Variants in GCNT4 observed in about 807,000 individuals in gnomAD.
The protein encoded by GCNT4 is glucosaminyl (N-acetyl) transferase 4.
Under a neutral mutation model 31.3 loss-of-function variants are expected in GCNT4, and 17 were observed. The ratio of observed to expected loss-of-function variants is 0.54; its 90% CI spans 0.37 to 0.81. The LOEUF (loss-of-function observed/expected upper bound fraction) is 0.81, where lower values mean the gene tolerates loss of function less well. Ranked by LOEUF, GCNT4 falls within the 40% of genes least tolerant of loss-of-function variation. The pLI, the probability that GCNT4 is intolerant of heterozygous loss-of-function variation, is 0.00. For missense variants in GCNT4, 503 were observed against 525.5 expected (o/e 0.96, Z 0.42); for synonymous variants, 158 against 190.6 (o/e 0.83, Z 1.41).
intron 3 of GCNT4, among the ~76,000 whole-genome samples, chr5:75,040,137 C>T (rs867906788): frequency 1.4e-4 from 22 of 151,966 alleles, no homozygotes; most frequent in African/African-American, 4.8e-4. Context: ...GCATGACCAG[C>T]TGCTCCAGGA....
chr5:75,020,004 T>C, the GCNT4 span, among the ~76,000 whole-genome samples: 31 of 152,226 alleles, frequency 2.0e-4, no homozygotes, highest in African/African-American at 7.5e-4. Flanking sequence ...CTTAATTTTG[T>C]TAGGTGTGAT....
chr5:75,018,014 C>T, the GCNT4 span, among the ~76,000 whole-genome samples: 1 of 152,146 alleles, frequency 6.6e-6, no homozygotes, highest in Non-Finnish European at 1.5e-5. Flanking sequence ...TGCAGCAACT[C>T]AGGCCCAATC....
intron 3 of GCNT4, among the ~76,000 whole-genome samples, chr5:75,044,652 T>A (rs992693604): frequency 2.6e-5 from 4 of 152,014 alleles, no homozygotes; most frequent in African/African-American, 9.7e-5. Flanking sequence ...AAACAAGGAC[T>A]GGGCTTCAGC....
At chr5:75,034,570 A>C (rs1303496678) in intron 3 of GCNT4, among the ~76,000 whole-genome samples, 1 of 152,210 alleles carries the variant, frequency 6.6e-6, no homozygotes. Flanking sequence ...AAGTGGTCTT[A>C]CAATTACATT....
rs763245882 is a variant in GCNT4, at chr5:75,029,266, G to C, written c.772C>G (p.Pro258Ala). 4 of 1,614,012 alleles carry C rather than the reference G, an allele frequency of 2.5e-6. No individual in the cohort carries two copies. The highest frequency in any genetic ancestry group is 2.5e-6 in the Non-Finnish European group (3 of 1,180,000). Residue 258 changes from proline to alanine, a missense_variant, in exon 4 of 4, where the codon CCA (proline) becomes GCA (alanine). Pro to Ala is a conservative substitution (Grantham distance 27, BLOSUM62 -1). Coordinates refer to ENST00000652361, the MANE Select transcript of GCNT4 (RefSeq NM_001366737.1). The part of the protein sequence containing the change: ...GANMLETVKP[P>A]NSKLERFTYH... Reference sequence around the variant, plus strand: ...GTGAATCTTTCCAATTTACTGTTTGGGGGTTTCACCGTCTCCAACATATTT... The same window carrying C: ...GTGAATCTTTCCAATTTACTGTTTGCGGGTTTCACCGTCTCCAACATATTT...
chr5:75,045,584 T>G (rs780656033), intron 3 of GCNT4, among the ~76,000 whole-genome samples: 13 of 152,252 alleles, frequency 8.5e-5, no homozygotes, highest in Non-Finnish European at 1.6e-4. Flanking sequence ...ATAATTCTGC[T>G]ATGAACAAGG....
rs924399633 is a variant in GCNT4, at chr5:75,025,529, A to C, written c.*3147T>G. ...CGATATAAATGTATAAAAAGCCCCC[A>C]AAACTCTCATTTCATCATCAGTGCA... On this transcript the variant is annotated 3_prime_UTR_variant, in exon 4 of 4. Coordinates refer to ENST00000652361, the MANE Select transcript of GCNT4 (RefSeq NM_001366737.1). 2.0e-5 allele frequency: 3 copies of C among 152,226 alleles called. No individual in the cohort carries two copies. Among genetic ancestry groups the C allele is most frequent in the Admixed American group, 6.5e-5 (1 of 15,282 alleles). 9.4% of individuals were successfully genotyped at this position (152,226 alleles called of 1,614,324 possible).
At chr5:75,053,713 A>C (rs1298017768), upstream of GCNT4, among the ~76,000 whole-genome samples, 1 of 151,580 alleles carries the variant, frequency 6.6e-6, no homozygotes, top group East Asian at 2.0e-4. Context: ...TGACGTGCGG[A>C]GAAAGTAGGA....
chr5:75,044,103 G>A (rs979537415), intron 3 of GCNT4, among the ~76,000 whole-genome samples: 1 of 152,098 alleles, frequency 6.6e-6, no homozygotes, highest in African/African-American at 2.4e-5. Context: ...TCACAGGCAG[G>A]GTACAGGTCA....
upstream of GCNT4, among the ~76,000 whole-genome samples, chr5:75,053,966 T>TC (rs1288971225): frequency 6.6e-6 from 1 of 152,008 alleles, no homozygotes; most frequent in Non-Finnish European, 1.5e-5. Context: ...GCTCCTTTTT[T>TC]CTCCTTGAAC....
upstream of GCNT4, among the ~76,000 whole-genome samples, chr5:75,053,633 G>C (rs1743641108): frequency 6.6e-6 from 1 of 151,872 alleles, no homozygotes; most frequent in Non-Finnish European, 1.5e-5. Flanking sequence ...CTCTCGCCGC[G>C]CTCCTCCGTC....
At chr5:75,040,114 T>G (rs1743286403) in intron 3 of GCNT4, among the ~76,000 whole-genome samples, 1 of 152,116 alleles carries the variant, frequency 6.6e-6, no homozygotes, top group African/African-American at 2.4e-5. Context: ...TAGACTACTT[T>G]TCCTGGATCC....
chr5:75,043,746 C>T (rs777326857), intron 3 of GCNT4, among the ~76,000 whole-genome samples: 26 of 152,172 alleles, frequency 1.7e-4, no homozygotes, highest in Admixed American at 5.2e-4. Flanking sequence ...GTTTAAGCAA[C>T]GTGCACTTTG....
intron 3 of GCNT4, among the ~76,000 whole-genome samples, chr5:75,044,009 G>C (rs1022927524): frequency 6.6e-6 from 1 of 152,136 alleles, no homozygotes; most frequent in African/African-American, 2.4e-5. Flanking sequence ...CTCTGATGTT[G>C]GCAAGAACTG....
rs1419180244 is a variant in GCNT4 at position 75,025,573 on chromosome 5, T to C, written c.*3103A>G. 2 of 152,218 alleles carry C rather than the reference T, an allele frequency of 1.3e-5. No homozygotes were observed. Among genetic ancestry groups the C allele is most frequent in the Non-Finnish European group, 2.9e-5 (2 of 68,032 alleles). The allele number at this position is 152,218 out of a possible 1,614,324, so 9.4% of individuals were successfully genotyped here. A position where few individuals can be genotyped will look rare whatever the true frequency, so the allele number is the denominator to read the frequency against. The stretch of plus-strand genomic sequence containing the variant: ...CAGTGCAAACAAAAATCATTTATAA[T>C]AACATACATATGAATACATTCACTT... On this transcript the variant is annotated 3_prime_UTR_variant, in exon 4 of 4. Transcript: ENST00000652361.
chr5:75,037,908 A>C (rs1266830080), intron 3 of GCNT4, among the ~76,000 whole-genome samples: 2 of 151,290 alleles, frequency 1.3e-5, no homozygotes, highest in African/African-American at 4.9e-5. Context: ...AACAAAAAAA[A>C]CAAAAAACAG....
In GCNT4 at chr5:75,048,011, C is replaced by A. The variant is rs545753506; in HGVS notation, c.-116G>T. Reference sequence around the variant, plus strand: ...CAGATGGCTGTACTGGGACAGTGACCGAGGATGTAGTTCTAGAACATGGGC... The same window carrying A: ...CAGATGGCTGTACTGGGACAGTGACAGAGGATGTAGTTCTAGAACATGGGC... On this transcript the variant is annotated 5_prime_UTR_variant, in exon 3 of 4. Transcript: ENST00000652361. 1.3e-5 allele frequency: 2 copies of A among 152,186 alleles called. No individual in the cohort carries two copies. The highest frequency in any genetic ancestry group is 2.9e-5 in the Non-Finnish European group (2 of 68,028). 9.4% of individuals were successfully genotyped at this position (152,186 alleles called of 1,614,324 possible). A position where few individuals can be genotyped will look rare whatever the true frequency, so the allele number is the denominator to read the frequency against.
rs1375765414 is a variant in GCNT4, at chr5:75,025,948, CATTATCAAG to C, written c.*2719_*2727del. 1 of 152,126 alleles carries C rather than the reference CATTATCAAG, an allele frequency of 6.6e-6. No homozygotes were observed. The highest frequency in any genetic ancestry group is 1.5e-5 in the Non-Finnish European group (1 of 68,024). The allele number at this position is 152,126 out of a possible 1,614,324, so 9.4% of individuals were successfully genotyped here. On this transcript the variant is annotated 3_prime_UTR_variant, in exon 4 of 4. Transcript: ENST00000652361. Reference sequence around the variant, plus strand: ...TAATTATAAAACACAGACTGCAGGACATTATCAAGACCAGGGAGGAAATCATACCCAAAG... The same window carrying C: ...TAATTATAAAACACAGACTGCAGGACACCAGGGAGGAAATCATACCCAAAG...
upstream of GCNT4, among the ~76,000 whole-genome samples, chr5:75,053,020 A>ACTCCAGCCTGGCGG (rs1743619527): frequency 6.6e-6 from 1 of 150,502 alleles, no homozygotes; most frequent in Non-Finnish European, 1.5e-5. Context: ...CGCGCTCGCG[A>ACTCCAGCCTGGCGG]CTCCAGCCTG....
Sources: allele counts gnomAD v4.1 joint callset (sites outside exome capture counted in the v4.1 genomes callset), GRCh38; gene constraint gnomAD v4.1.1; transcripts MANE v1.5; gene names NCBI Gene and HGNC (gene_info 2026-07-23, HGNC 2026-07-21).